The following ANKRD36 variants were observed in gnomAD, a reference collection of about 807,000 sequenced individuals.
ANKRD36 encodes ankyrin repeat domain-containing protein 36A.
ANKRD36 carries 179 observed loss-of-function variants against 278.1 expected under a neutral mutation model. The observed-to-expected ratio is 0.64, with a 90% confidence interval of 0.57 to 0.73. The LOEUF is 0.73. Among genes scored for constraint, ANKRD36 ranks in the 30% least tolerant of loss-of-function variants. The pLI, the probability that ANKRD36 is intolerant of heterozygous loss-of-function variation, is 0.00. For synonymous variants in ANKRD36, 320 were observed against 641.1 expected (o/e 0.50, Z 7.57); for missense variants, 1,159 against 1,956.7 (o/e 0.59, Z 7.69).
Position 97,175,418 on chromosome 2 carries a change from G to T in ANKRD36, c.1634-4320G>T, listed in dbSNP as rs1278526336. 1.3e-5 allele frequency among the ~76,000 whole-genome samples: 2 copies of T among 151,854 alleles called. 1 individual carries two copies. The highest frequency in any genetic ancestry group is 3.9e-4 in the East Asian group (2 of 5,166). On this transcript the variant is annotated intron_variant, in intron 22 of 75. Transcript: ENST00000420699. The stretch of plus-strand genomic sequence containing the variant: ...GATTTTCTAGTTTATTTGCGTAGAG[G>T]TGTTTGTAGTATTCTCTGATGGTAG...
chr2:97,198,874 GGAA>G (rs2060522745), intron 44 of ANKRD36, among the ~76,000 whole-genome samples: 1 of 151,754 alleles, frequency 6.6e-6, no homozygotes, highest in Admixed American at 6.6e-5. Context: ...ATTGAAATTG[GGAA>G]GAAGAAATAT....
In ANKRD36 at chr2:97,113,175, C is replaced by G. The variant is rs978778045; in HGVS notation, c.-565C>G. 6.6e-5 allele frequency among the ~76,000 whole-genome samples: 10 copies of G among 152,210 alleles called. No homozygotes were observed. The highest frequency in any genetic ancestry group is 6.5e-5 in the Admixed American group (1 of 15,280). The stretch of plus-strand genomic sequence containing the variant: ...CCCGCCGGAGCCCGAGCTGCAGTGC[C>G]GCCTACAAGTGGTGCGCTGGCTGCA... On this transcript the variant is annotated 5_prime_UTR_variant, in exon 1 of 76. Transcript: ENST00000420699.
At chr2:97,165,009 A>T (rs2050245745) in intron 20 of ANKRD36, among the ~76,000 whole-genome samples, 1 of 152,132 alleles carries the variant, frequency 6.6e-6, no homozygotes, top group Non-Finnish European at 1.5e-5. Context: ...TGGTAGATAC[A>T]GTGTTTTAAA....
chr2:97,235,414 G>A, intron 68 of ANKRD36, among the ~76,000 whole-genome samples: 1 of 143,502 alleles, frequency 7.0e-6, no homozygotes, highest in African/African-American at 2.7e-5. Context: ...TGAGTCAAAA[G>A]CAAGTTAATA....
chr2:97,212,955 G>A (rs1170389057), intron 58 of ANKRD36: 1 of 315,414 alleles, frequency 3.2e-6, no homozygotes, highest in Non-Finnish European at 5.9e-6. Context: ...AAGTGTCATT[G>A]TAATTGTGTG....
chr2:97,214,019 G>A (rs1312215263), intron 60 of ANKRD36, among the ~76,000 whole-genome samples: 1 of 151,622 alleles, frequency 6.6e-6, no homozygotes, highest in Non-Finnish European at 1.5e-5. Flanking sequence ...TGTAGACGCT[G>A]TAGAATGAGA....
intron 42 of ANKRD36, among the ~76,000 whole-genome samples, chr2:97,197,695 A>G (rs1188750740): frequency 1.3e-5 from 2 of 151,934 alleles, no homozygotes; most frequent in African/African-American, 2.4e-5. Flanking sequence ...TGATTTCTGA[A>G]TGAAAAACTG....
intron 22 of ANKRD36, 137 bp from the exon 23 acceptor site, chr2:97,179,601 A>G (rs2055509120): frequency 1.1e-6 from 1 of 887,342 alleles, no homozygotes; most frequent in South Asian, 1.8e-5. Context: ...CCAAGAAACA[A>G]AGTATAAAAT....
Position 97,190,789 on chromosome 2 carries a change from A to T in ANKRD36, c.2246-189A>T, listed in dbSNP as rs1383406134. On this transcript the variant is annotated intron_variant, in intron 34 of 75. Transcript: ENST00000420699. ...GTTTGAAACTGTAAGGATATATTTC[A>T]TGGAGCCTGTATTCCCTTTTACCAG... 1.3e-5 allele frequency among the ~76,000 whole-genome samples: 2 copies of T among 151,688 alleles called. 1 individual carries two copies. The highest frequency in any genetic ancestry group is 4.8e-5 in the African/African-American group (2 of 41,370).
intron 66 of ANKRD36, among the ~76,000 whole-genome samples, chr2:97,222,927 C>G (rs1379172526): frequency 6.6e-6 from 1 of 152,016 alleles, no homozygotes; most frequent in Non-Finnish European, 1.5e-5. Flanking sequence ...TATATCAAAT[C>G]AAACTAATTT....
In ANKRD36 at chr2:97,113,783, G is replaced by C; in HGVS notation, c.44G>C (p.Arg15Pro). ...GAGAGGTGGCCCACCCTCATGGAGC[G>C]CTTGTGCTCGGATGGCTTCGCATTT... ...KRERWPTLME[R>P]LCSDGFAFPQ... is the part of the protein sequence containing the mutation. The change falls in exon 1 of 76, where the codon CGC becomes CCC. Residue 15 changes from arginine to proline, a missense_variant. Physicochemically the swap from Arg to Pro is moderately radical, Grantham distance 103 (BLOSUM62 -2). Coordinates refer to ENST00000420699, the MANE Select transcript of ANKRD36 (RefSeq NM_001354587.1). 3 of 1,612,964 alleles carry C rather than the reference G, an allele frequency of 1.9e-6. No individual in the cohort carries two copies. Among genetic ancestry groups the C allele is most frequent in the Non-Finnish European group, 2.5e-6 (3 of 1,179,990 alleles).
intron 46 of ANKRD36, among the ~76,000 whole-genome samples, chr2:97,200,795 T>G (rs2061159659): frequency 6.6e-6 from 1 of 151,988 alleles, no homozygotes; most frequent in African/African-American, 2.4e-5. Context: ...CCCAGCATAA[T>G]TTTGCTTTAA....
chr2:97,202,091 C>G, intron 46 of ANKRD36, 111 bp from the exon 47 acceptor site: 1 of 1,566,772 alleles, frequency 6.4e-7, no homozygotes, highest in Non-Finnish European at 8.6e-7. Flanking sequence ...GCCATGAAGG[C>G]CTATGCTAAT....
At chr2:97,198,215 T>C (rs1655635919) in intron 42 of ANKRD36, among the ~76,000 whole-genome samples, 1 of 151,934 alleles carries the variant, frequency 6.6e-6, no homozygotes, top group African/African-American at 2.4e-5. Flanking sequence ...GACACGGTTT[T>C]ATTTTAGTTT....
At chr2:97,137,604 CA>C (rs1378235215) in intron 6 of ANKRD36, among the ~76,000 whole-genome samples, 20 of 151,922 alleles carry the variant, frequency 1.3e-4, no homozygotes, top group Non-Finnish European at 2.5e-4. Context: ...CACACACACA[CA>C]CACCGAGTAT....
chr2:97,200,372 C>A lies in ANKRD36; in HGVS notation c.2784+10C>A, dbSNP rs1413425217. 2.5e-6 allele frequency: 4 copies of A among 1,605,454 alleles called. No individual in the cohort carries two copies. The African/African-American group carries it at 5.4e-5, about 22-fold the overall frequency. ...AAAACCATCCTTGGAGGTAATGAAA[C>A]TCTCATTCATATTGTGAGCTAGTAA... On this transcript the variant is annotated intron_variant, in intron 45 of 75. Transcript: ENST00000420699.
chr2:97,129,548 T>C (rs1278184813), intron 6 of ANKRD36, among the ~76,000 whole-genome samples: 1 of 152,154 alleles, frequency 6.6e-6, no homozygotes, highest in African/African-American at 2.4e-5. Context: ...TCCTTGCCCA[T>C]GCCTATGTCC....
intron 15 of ANKRD36, among the ~76,000 whole-genome samples, chr2:97,155,241 G>A (rs1363075077): frequency 1.4e-5 from 2 of 142,654 alleles, no homozygotes; most frequent in Middle Eastern, 3.4e-3. Flanking sequence ...ACATCATACA[G>A]TATTTTTGCA....
intron 46 of ANKRD36, 49 bp from the exon 47 acceptor site, chr2:97,202,153 C>A: frequency 6.2e-7 from 1 of 1,605,646 alleles, no homozygotes; most frequent in South Asian, 1.1e-5. Flanking sequence ...GTATGGAAAT[C>A]TTTGTCATAT....
Sources: gnomAD v4.1 joint callset for allele counts (sites outside exome capture counted in the v4.1 genomes callset) on GRCh38, gnomAD v4.1.1 for gene constraint, MANE v1.5 for transcripts, NCBI Gene and HGNC (gene_info 2026-07-23, HGNC 2026-07-21) for gene names.